Variants in SESTD1 observed in about 807,000 individuals in gnomAD.
The protein encoded by SESTD1 is SEC14 and spectrin domain containing 1.
SESTD1 carries 43 observed loss-of-function variants against 101.7 expected under a neutral mutation model. The observed-to-expected ratio is 0.42, with a 90% CI of 0.33 to 0.55. SESTD1 has a LOEUF of 0.55. Among genes scored for constraint, SESTD1 ranks in the 20% least tolerant of loss-of-function variants. SESTD1 has a pLI of 0.07. For synonymous variants in SESTD1, 283 were observed against 286.8 expected, an observed-to-expected ratio of 0.99 and a Z score of 0.13; for missense variants, 647 against 815.1, an observed-to-expected ratio of 0.79 and a Z score of 2.51.
At chr2:179,214,347 C>T (rs2046690657) in intron 1 of SESTD1, among the ~76,000 whole-genome samples, 1 of 134,134 alleles carries the variant, frequency 7.5e-6, no homozygotes. Flanking sequence ...TCTGATAAAA[C>T]AGACTTTAAA....
rs555281079 is a variant in SESTD1 at position 179,124,109 on chromosome 2, A to C, written c.1167+255T>G. ...AAGTTATAAAGCATAAACATTGAGA[A>C]GGAGTCAAAATAAAATATTCTACTA... On this transcript the variant is annotated intron_variant, in intron 11 of 17. Transcript: ENST00000428443. Among the ~76,000 whole-genome samples the C allele has an allele frequency of 2.0e-5, 3 of 152,332 alleles. No homozygotes were observed. The East Asian group carries it at 5.8e-4, about 29-fold the overall frequency.
intron 7 of SESTD1, 55 bp downstream of exon 7, chr2:179,149,242 T>C: frequency 1.6e-6 from 2 of 1,254,088 alleles, no homozygotes; most frequent in Non-Finnish European, 2.3e-6. Context: ...AGATATCTTT[T>C]ATCAGAATAA....
At chr2:179,121,702 T>C in intron 13 of SESTD1, 68 bp downstream of exon 13, 2 of 1,364,576 alleles carry the variant, frequency 1.5e-6, no homozygotes, top group Non-Finnish European at 1.9e-6. Flanking sequence ...ATATAAAATG[T>C]TATATAACTT....
intron 2 of SESTD1, among the ~76,000 whole-genome samples, chr2:179,183,831 A>C (rs969487929): frequency 6.9e-6 from 1 of 145,266 alleles, no homozygotes; most frequent in Non-Finnish European, 1.5e-5. Flanking sequence ...AAAGAAAAGA[A>C]AGGAGAGAGA....
intron 3 of SESTD1, among the ~76,000 whole-genome samples, chr2:179,181,563 T>A (rs143825704): frequency 7.9e-5 from 12 of 152,226 alleles, no homozygotes; most frequent in African/African-American, 2.4e-4. Context: ...ATTCTACTCA[T>A]CTGAAGTACA....
intron 9 of SESTD1, among the ~76,000 whole-genome samples, chr2:179,134,899 T>C (rs138316971): frequency 1.3e-5 from 2 of 152,328 alleles, no homozygotes; most frequent in African/African-American, 4.8e-5. Context: ...TAGTTTGATC[T>C]ACAATAACCT....
At chr2:179,153,255 T>C (rs2045563670) in intron 5 of SESTD1, among the ~76,000 whole-genome samples, 1 of 152,180 alleles carries the variant, frequency 6.6e-6, no homozygotes, top group South Asian at 2.1e-4. Context: ...TCAGTAATCA[T>C]GCTGTTAGTG....
In SESTD1 at chr2:179,146,347, G is replaced by C. The variant is rs183946173; in HGVS notation, c.637+55C>G. 8.4e-6 allele frequency: 12 copies of C among 1,431,098 alleles called. No homozygotes were observed. The South Asian group carries it at 1.3e-4, about 16-fold the overall frequency. The allele number at this position is 1,431,098 out of a possible 1,614,324, so 88.6% of individuals were successfully genotyped here. A position where few individuals can be genotyped will look rare whatever the true frequency, so the allele number is the denominator to read the frequency against. ...CTGAATTCATGTTTATTTAATGAAC[G>C]AATCAATCCAATTGGTTTACTGGAT... On this transcript the variant is annotated intron_variant, in intron 8 of 17. Coordinates refer to ENST00000428443, the MANE Select transcript of SESTD1 (RefSeq NM_178123.5).
intron 9 of SESTD1, among the ~76,000 whole-genome samples, chr2:179,134,858 G>A (rs569688665): frequency 3.3e-5 from 5 of 152,028 alleles, no homozygotes; most frequent in African/African-American, 7.2e-5. Flanking sequence ...TCTAAAACTC[G>A]TTTCTATCTG....
chr2:179,104,636 T>G lies in SESTD1; in HGVS notation c.*5263A>C, dbSNP rs960482523. The G allele has an allele frequency of 6.6e-6, 1 of 152,026 alleles. No individual in the cohort carries two copies. The highest frequency in any genetic ancestry group is 1.5e-5 in the Non-Finnish European group (1 of 67,980). 9.4% of individuals were successfully genotyped at this position (152,026 alleles called of 1,614,324 possible). Reference sequence around the variant, plus strand: ...GAGATTCACTGGGAACTGGCTGGAGTTCAATAGCCCTTTTGTCAGAAAGTT... The same window carrying G: ...GAGATTCACTGGGAACTGGCTGGAGGTCAATAGCCCTTTTGTCAGAAAGTT... On this transcript the variant is annotated 3_prime_UTR_variant, in exon 18 of 18. Coordinates refer to ENST00000428443, the MANE Select transcript of SESTD1 (RefSeq NM_178123.5).
intron 1 of SESTD1, among the ~76,000 whole-genome samples, chr2:179,259,259 T>C (rs1200362444): frequency 3.9e-5 from 6 of 152,086 alleles, no homozygotes; most frequent in Non-Finnish European, 2.9e-5. Context: ...TGAGACAGAG[T>C]CTCACTCTGT....
intron 1 of SESTD1, among the ~76,000 whole-genome samples, chr2:179,245,379 G>T (rs1047837601): frequency 3.9e-5 from 6 of 151,914 alleles, no homozygotes; most frequent in Non-Finnish European, 7.4e-5. Flanking sequence ...AGCCAGGTGT[G>T]GTGGCACATG....
At chr2:179,233,198 G>A (rs2047010681) in intron 1 of SESTD1, among the ~76,000 whole-genome samples, 1 of 152,172 alleles carries the variant, frequency 6.6e-6, no homozygotes, top group African/African-American at 2.4e-5. Context: ...TTCTCAGGAT[G>A]TAAACAAAAG....
chr2:179,120,787 G>A (rs116120861), intron 13 of SESTD1, among the ~76,000 whole-genome samples: 64 of 152,306 alleles, frequency 4.2e-4, no homozygotes, highest in African/African-American at 1.5e-3. Context: ...TGAATGTACC[G>A]TAAACCTATC....
chr2:179,118,459 T>A (rs1416808761), intron 13 of SESTD1, among the ~76,000 whole-genome samples: 4 of 152,184 alleles, frequency 2.6e-5, no homozygotes, highest in African/African-American at 7.2e-5. Context: ...CAGTCTCAAA[T>A]ACCGATAATA....
At position 179,104,749 on chromosome 2, in the gene SESTD1, A is replaced by G. The variant is rs2044343906; in HGVS notation, c.*5150T>C. 1 of 152,122 alleles carries G rather than the reference A, an allele frequency of 6.6e-6. No individual in the cohort carries two copies. The highest frequency in any genetic ancestry group is 1.5e-5 in the Non-Finnish European group (1 of 68,008). The allele number at this position is 152,122 out of a possible 1,614,324, so 9.4% of individuals were successfully genotyped here. On this transcript the variant is annotated 3_prime_UTR_variant, in exon 18 of 18. Transcript: ENST00000428443. ...ACTTTCAGTTAAGAATTCCTATAAA[A>G]TTACATATAGGAATTATACATACAG... is the stretch of plus-strand genomic sequence containing the variant.
intron 5 of SESTD1, among the ~76,000 whole-genome samples, chr2:179,153,497 C>T (rs1310917762): frequency 2.0e-5 from 3 of 152,168 alleles, no homozygotes; most frequent in Non-Finnish European, 4.4e-5. Flanking sequence ...CACACACTCT[C>T]TCGCTCTCTC....
At position 179,182,493 on chromosome 2, in the gene SESTD1, TC is replaced by T. The variant is rs374484117; in HGVS notation, c.164+586del. ...ATACGCAGTCACAGTTGTGCCTCAG[TC>T]CCAATTATGGGAGAAGCAGATGGGG... On this transcript the variant is annotated intron_variant, in intron 3 of 17. Transcript: ENST00000428443. Among the ~76,000 whole-genome samples the T allele has an allele frequency of 2.6e-4, 39 of 152,226 alleles. 1 individual carries two copies. In the East Asian group the frequency reaches 5.6e-3, roughly 22 times the overall value.
At chr2:179,197,949 A>G (rs949364414) in intron 1 of SESTD1, among the ~76,000 whole-genome samples, 1 of 152,176 alleles carries the variant, frequency 6.6e-6, no homozygotes, top group African/African-American at 2.4e-5. Context: ...GATCAAATTC[A>G]CACATAACAA....
Sources: allele counts gnomAD v4.1 joint callset (sites outside exome capture counted in the v4.1 genomes callset), GRCh38; gene constraint gnomAD v4.1.1; transcripts MANE v1.5; gene names NCBI Gene and HGNC (gene_info 2026-07-23, HGNC 2026-07-21).